DNAH14: variants seen among roughly 807,000 people sequenced by gnomAD.
DNAH14 encodes the protein dynein axonemal heavy chain 14, also known as axonemal beta dynein heavy chain 14.
DNAH14 carries 478 observed loss-of-function variants against 520.9 expected under a neutral mutation model. The ratio of observed to expected loss-of-function variants is 0.92; its 90% CI spans 0.85 to 0.99. DNAH14 has a LOEUF of 0.99. Among genes scored for constraint, DNAH14 ranks in the 50% least tolerant of loss-of-function variants. The pLI is 0.00. For missense variants in DNAH14, 4,831 were observed against 5,234.5 expected (o/e 0.92, Z 2.38); for synonymous variants, 1,581 against 1,757.2 (o/e 0.90, Z 2.51).
chr1:225,260,037 C>T (rs2149761555), intron 46 of DNAH14, among the ~76,000 whole-genome samples: 1 of 152,156 alleles, frequency 6.6e-6, no homozygotes, highest in South Asian at 2.1e-4. Flanking sequence ...TATACACACA[C>T]ACACAGACAC....
Position 225,153,730 on chromosome 1 carries a change from A to C in DNAH14, c.5197-20A>C, listed in dbSNP as rs765025933. On this transcript the variant is annotated intron_variant, in intron 33 of 85. Transcript: ENST00000682510. ...TTTCTTTAGAAACTTTAATAATTCA[A>C]ATATTTTAATGTTTGATAGGATCAT... 6.7e-7 allele frequency: 1 copy of C among 1,498,850 alleles called. No homozygotes were observed. The highest frequency in any genetic ancestry group is 1.2e-5 in the South Asian group (1 of 81,444). 92.8% of individuals were successfully genotyped at this position (1,498,850 alleles called of 1,614,324 possible).
chr1:225,192,154 G>C (rs1260665194), intron 37 of DNAH14, among the ~76,000 whole-genome samples: 2 of 151,988 alleles, frequency 1.3e-5, no homozygotes, highest in African/African-American at 4.8e-5. Flanking sequence ...TTCTCCCTGA[G>C]GCCTTATATG....
At chr1:225,046,016 T>G (rs143674093) in intron 15 of DNAH14, among the ~76,000 whole-genome samples, 30 of 152,158 alleles carry the variant, frequency 2.0e-4, no homozygotes, top group African/African-American at 7.2e-4. Flanking sequence ...AATTCTTCTG[T>G]AAGGAGTAGC....
intron 28 of DNAH14, among the ~76,000 whole-genome samples, chr1:225,142,922 T>A (rs1302437187): frequency 6.6e-6 from 1 of 152,156 alleles, no homozygotes; most frequent in Non-Finnish European, 1.5e-5. Flanking sequence ...CAAGACTCCA[T>A]CTCAAATAAA....
At chr1:225,277,977 TATTTA>T (rs2093530883) in intron 54 of DNAH14, among the ~76,000 whole-genome samples, 1 of 152,146 alleles carries the variant, frequency 6.6e-6, no homozygotes, top group Non-Finnish European at 1.5e-5. Context: ...TAATTATTTT[TATTTA>T]ATTTATTATT....
At chr1:225,050,667 G>A (rs1383317588) in intron 16 of DNAH14, among the ~76,000 whole-genome samples, 1 of 152,098 alleles carries the variant, frequency 6.6e-6, no homozygotes. Flanking sequence ...AGCATCAACT[G>A]GGTATTTTTG....
intron 8 of DNAH14, among the ~76,000 whole-genome samples, chr1:224,975,715 T>A (rs1236624637): frequency 6.6e-6 from 1 of 151,432 alleles, no homozygotes; most frequent in Non-Finnish European, 1.5e-5. Context: ...GTTTCTTGTG[T>A]CTCTATGTCC....
At chr1:225,011,986 T>C (rs1381860521) in intron 10 of DNAH14, among the ~76,000 whole-genome samples, 2 of 152,142 alleles carry the variant, frequency 1.3e-5, no homozygotes, top group Non-Finnish European at 2.9e-5. Context: ...AATTTCATCT[T>C]GTCATTATGA....
At chr1:225,200,268 A>G (rs1444345287) in intron 38 of DNAH14, among the ~76,000 whole-genome samples, 1 of 152,062 alleles carries the variant, frequency 6.6e-6, no homozygotes, top group Non-Finnish European at 1.5e-5. Flanking sequence ...TGGTTGGTGA[A>G]TTCTTATCCA....
intron 31 of DNAH14, 27 bp downstream of exon 31, chr1:225,147,276 T>G: frequency 6.6e-7 from 1 of 1,508,504 alleles, no homozygotes; most frequent in South Asian, 1.3e-5. Context: ...TTTATACCTT[T>G]TGAATTGAAA....
chr1:225,176,108 C>G (rs2083306074), intron 36 of DNAH14, among the ~76,000 whole-genome samples: 1 of 152,146 alleles, frequency 6.6e-6, no homozygotes, highest in African/African-American at 2.4e-5. Context: ...TCCTTCCTTC[C>G]TTGCTTTTGC....
chr1:225,326,408 C>T (rs778900641), intron 64 of DNAH14, among the ~76,000 whole-genome samples: 3 of 152,116 alleles, frequency 2.0e-5, no homozygotes, highest in African/African-American at 4.8e-5. Context: ...GGACATTTGT[C>T]GTGCGGGTAG....
intron 1 of DNAH14, among the ~76,000 whole-genome samples, chr1:224,946,455 C>G (rs372980196): frequency 2.0e-5 from 3 of 152,122 alleles, no homozygotes; most frequent in Non-Finnish European, 4.4e-5. Context: ...CTTCGGCTCA[C>G]GCTCGGTGTG....
rs1032934146 is a variant in DNAH14, at chr1:225,346,629, T to A, written c.11271T>A (p.Ser3757Arg). ...LYSGILINIK[S>R]ALSQSRLTST... is the part of the protein sequence containing the mutation. ...CTGGCATATTGATAAATATTAAAAGTGCATTATCCCAGTCTAGACTTACTA... is the reference window on the plus strand; with the variant it reads ...CTGGCATATTGATAAATATTAAAAGAGCATTATCCCAGTCTAGACTTACTA... The change falls in exon 71 of 86, where the codon AGT becomes AGA. Residue 3757 changes from serine (S) to arginine (R), a missense_variant. Transcript: ENST00000682510. 2 of 1,548,348 alleles carry A rather than the reference T, an allele frequency of 1.3e-6. No homozygotes were observed. The highest frequency in any genetic ancestry group is 1.7e-6 in the Non-Finnish European group (2 of 1,145,238).
intron 77 of DNAH14, among the ~76,000 whole-genome samples, chr1:225,370,115 C>A (rs1407412119): frequency 2.0e-5 from 3 of 152,114 alleles, no homozygotes; most frequent in Admixed American, 6.6e-5. Context: ...CGAGGAGTAA[C>A]CCCATCTCTA....
intron 48 of DNAH14, among the ~76,000 whole-genome samples, chr1:225,265,606 A>C (rs2093083617): frequency 6.6e-6 from 1 of 152,156 alleles, no homozygotes; most frequent in South Asian, 2.1e-4. Context: ...AAATCTTGCT[A>C]AAGAGAAGTA....
chr1:224,938,664 A>G (rs1472184316), intron 1 of DNAH14, among the ~76,000 whole-genome samples: 1 of 152,242 alleles, frequency 6.6e-6, no homozygotes, highest in Non-Finnish European at 1.5e-5. Flanking sequence ...TAGACCTGCT[A>G]TGTGATCCAG....
chr1:224,974,244 C>T lies in DNAH14; in HGVS notation c.830+91C>T, dbSNP rs538051217. The T allele has an allele frequency of 2.3e-4, 192 of 825,894 alleles. No individual in the cohort carries two copies. The African/African-American group carries it at 2.7e-3, about 12-fold the overall frequency. 51.2% of individuals were successfully genotyped at this position (825,894 alleles called of 1,614,324 possible). A position where few individuals can be genotyped will look rare whatever the true frequency, so the allele number is the denominator to read the frequency against. ...AAGCAGATATAATTTCATTTTCATT[C>T]AGTGATTAGAAAGTCACATTCCATT... On this transcript the variant is annotated intron_variant, in intron 8 of 85. Coordinates refer to ENST00000682510, the MANE Select transcript of DNAH14 (RefSeq NM_001367479.1).
At chr1:225,069,975 T>G (rs964615353) in intron 17 of DNAH14, among the ~76,000 whole-genome samples, 3 of 152,190 alleles carry the variant, frequency 2.0e-5, no homozygotes, top group Admixed American at 1.3e-4. Flanking sequence ...TTCTTCTAGA[T>G]TTTCTAGCTT....
Sources: allele counts gnomAD v4.1 joint callset (sites outside exome capture counted in the v4.1 genomes callset), GRCh38; gene constraint gnomAD v4.1.1; transcripts MANE v1.5; gene names NCBI Gene and HGNC (gene_info 2026-07-23, HGNC 2026-07-21).